Variants in TTLL11 observed in about 807,000 individuals in gnomAD.
TTLL11 encodes tubulin tyrosine ligase like 11.
In TTLL11, 42 loss-of-function variants were observed where a neutral mutation model predicts 51.7. The ratio of observed to expected loss-of-function variants is 0.81; its 90% CI spans 0.64 to 1.05. The LOEUF (loss-of-function observed/expected upper bound fraction) is 1.05, where lower values mean the gene tolerates loss of function less well. TTLL11 is among the 50% of genes least tolerant of loss of function. TTLL11 has a pLI of 0.00. For missense variants in TTLL11, 799 were observed against 940.4 expected, an observed-to-expected ratio of 0.85 and a Z score of 1.97; for synonymous variants, 381 against 383.5, an observed-to-expected ratio of 0.99 and a Z score of 0.08.
intron 6 of TTLL11, among the ~76,000 whole-genome samples, chr9:121,964,926 A>T (rs1842357446): frequency 6.6e-6 from 1 of 152,178 alleles, no homozygotes; most frequent in Non-Finnish European, 1.5e-5. Context: ...TACTTAGCAC[A>T]TTCCACCTTA....
intron 4 of TTLL11, among the ~76,000 whole-genome samples, chr9:121,981,238 C>CT (rs200327046): frequency 6.6e-6 from 1 of 151,270 alleles, no homozygotes; most frequent in Non-Finnish European, 1.5e-5. Flanking sequence ...AGGGTCTGTT[C>CT]TTTTTTTTCC....
At position 122,053,589 on chromosome 9, in the gene TTLL11, A is replaced by T. The variant is rs187696025; in HGVS notation, c.463-14221T>A. ...GAGAGTGGATGAGGAGTAGAGAGAG[A>T]CTGAGAGCAGCCAGGACCATAAGGA... On this transcript the variant is annotated intron_variant, in intron 1 of 8. Coordinates refer to ENST00000321582, the MANE Select transcript of TTLL11 (RefSeq NM_001139442.2). Among the ~76,000 whole-genome samples the T allele has an allele frequency of 4.4e-4, 67 of 152,144 alleles. No individual in the cohort carries two copies. The East Asian group carries it at 8.7e-3, about 20-fold the overall frequency.
At chr9:122,017,674 G>T (rs148583274) in intron 3 of TTLL11, among the ~76,000 whole-genome samples, 1 of 152,102 alleles carries the variant, frequency 6.6e-6, no homozygotes. Flanking sequence ...TGTTGGCTAG[G>T]CTGGTCTCGA....
intron 1 of TTLL11, among the ~76,000 whole-genome samples, chr9:122,073,970 G>A (rs750481118): frequency 6.6e-6 from 1 of 152,192 alleles, no homozygotes; most frequent in Non-Finnish European, 1.5e-5. Flanking sequence ...TTTAAGTCAT[G>A]TACAAGAGTG....
chr9:122,018,326 G>A (rs754061361), intron 3 of TTLL11, among the ~76,000 whole-genome samples: 13 of 151,756 alleles, frequency 8.6e-5, no homozygotes, highest in East Asian at 1.9e-4. Flanking sequence ...GTTAGCTAGG[G>A]TGGTCTCAAT....
intron 4 of TTLL11, among the ~76,000 whole-genome samples, chr9:121,985,525 T>A (rs1292045950): frequency 6.9e-6 from 1 of 144,338 alleles, no homozygotes; most frequent in East Asian, 2.0e-4. Flanking sequence ...TTTTTTTTTT[T>A]TTTTTTTTTG....
At chr9:121,873,382 C>CTTTTT (rs71370697) in intron 6 of TTLL11, among the ~76,000 whole-genome samples, 1 of 110,566 alleles carries the variant, frequency 9.0e-6, no homozygotes, top group Non-Finnish European at 1.8e-5. Flanking sequence ...TCTTCTTCTC[C>CTTTTT]TTTTTTTTTT....
rs949248276 is a variant in TTLL11 at position 122,093,041 on chromosome 9, C to T, written c.108G>A (p.Thr36=). 2.0e-6 allele frequency: 3 copies of T among 1,521,858 alleles called. No individual in the cohort carries two copies. Among genetic ancestry groups the T allele is most frequent in the Admixed American group, 2.0e-5 (1 of 50,074 alleles). 94.3% of individuals were successfully genotyped at this position (1,521,858 alleles called of 1,614,324 possible). Residue 36 remains threonine (T), a synonymous_variant, in exon 1 of 9, where the codon ACG becomes ACA. Coordinates refer to ENST00000321582, the MANE Select transcript of TTLL11 (RefSeq NM_001139442.2). The stretch of plus-strand genomic sequence containing the variant: ...CGTCCACGCGGACCTGTTCCGCCAC[C>T]GTCTCCGCTGTGGCCTCGGCCTCAG... The part of the protein sequence containing the change: ...AKAEAEATAE[T]VAEQVRVDAG...
chr9:122,002,944 CA>C (rs547408355), intron 3 of TTLL11, among the ~76,000 whole-genome samples: 829 of 61,232 alleles, frequency 0.014, 10 homozygotes, highest in South Asian at 0.031. Flanking sequence ...GACTCTGTCT[CA>C]AAAAAAAAAA....
At chr9:121,824,098 T>C (rs1289517722) in intron 8 of TTLL11, among the ~76,000 whole-genome samples, 1 of 152,160 alleles carries the variant, frequency 6.6e-6, no homozygotes, top group Non-Finnish European at 1.5e-5. Flanking sequence ...AATGGGTGCA[T>C]TGACGCTAGG....
intron 3 of TTLL11, among the ~76,000 whole-genome samples, chr9:122,024,574 G>A (rs1844273928): frequency 6.6e-6 from 1 of 152,190 alleles, no homozygotes. Context: ...TTGGCAGAAA[G>A]AGAGACAAAT....
chr9:122,002,982 G>C (rs539690085), intron 3 of TTLL11, among the ~76,000 whole-genome samples: 1 of 137,756 alleles, frequency 7.3e-6, no homozygotes, highest in African/African-American at 2.9e-5. Context: ...CCAGCGTGTC[G>C]AGCCTCCCTG....
chr9:121,965,844 C>T (rs1360407819), intron 6 of TTLL11, among the ~76,000 whole-genome samples: 1 of 152,182 alleles, frequency 6.6e-6, no homozygotes, highest in Non-Finnish European at 1.5e-5. Context: ...TTTCTCTAAT[C>T]TTCTCCAGGA....
chr9:121,989,064 G>T lies in TTLL11; in HGVS notation c.1269+131C>A. ...AGTTGGGCCCAGGTTTAACACCCAAGCCCACAGCACCACCAACACTGTCCC... is the reference window on the plus strand; with the variant it reads ...AGTTGGGCCCAGGTTTAACACCCAATCCCACAGCACCACCAACACTGTCCC... On this transcript the variant is annotated intron_variant, in intron 4 of 8. Coordinates refer to ENST00000321582, the MANE Select transcript of TTLL11 (RefSeq NM_001139442.2). This position sits in a 1 kb window ranked among gnomAD's most constrained non-coding sequence, Gnocchi z 4.2. The T allele has an allele frequency of 6.6e-7, 1 of 1,510,844 alleles. No individual in the cohort carries two copies. The highest frequency in any genetic ancestry group is 8.8e-7 in the Non-Finnish European group (1 of 1,129,946). The allele number at this position is 1,510,844 out of a possible 1,614,324, so 93.6% of individuals were successfully genotyped here.
intron 8 of TTLL11, among the ~76,000 whole-genome samples, chr9:121,831,493 A>G (rs1436352105): frequency 3.9e-5 from 6 of 152,084 alleles, no homozygotes; most frequent in Admixed American, 3.9e-4. Flanking sequence ...GAGGTCAGGC[A>G]TTCGAGACCA....
intron 6 of TTLL11, among the ~76,000 whole-genome samples, chr9:121,894,477 G>A (rs1486158836): frequency 1.3e-5 from 2 of 152,162 alleles, no homozygotes; most frequent in African/African-American, 4.8e-5. Context: ...AGTCACAATA[G>A]CAAAGACTTG....
At chr9:122,009,530 A>C (rs1372327596) in intron 3 of TTLL11, among the ~76,000 whole-genome samples, 1 of 151,862 alleles carries the variant, frequency 6.6e-6, no homozygotes, top group Admixed American at 6.6e-5. Context: ...GTATATATGT[A>C]GACATATATG....
At chr9:121,970,587 G>C (rs1292286876) in intron 6 of TTLL11, among the ~76,000 whole-genome samples, 1 of 151,998 alleles carries the variant, frequency 6.6e-6, no homozygotes. Context: ...ATCCAACAAA[G>C]ATATGAAAAA....
chr9:121,938,920 G>C (rs1331622020), intron 6 of TTLL11, among the ~76,000 whole-genome samples: 3 of 152,178 alleles, frequency 2.0e-5, no homozygotes, highest in Non-Finnish European at 4.4e-5. Flanking sequence ...TATTTATTGA[G>C]TATTTACAAG....
Sources: gnomAD v4.1 joint callset for allele counts (sites outside exome capture counted in the v4.1 genomes callset) on GRCh38, gnomAD v4.1.1 for gene constraint, Gnocchi (gnomAD v3.1) non-coding constraint, MANE v1.5 for transcripts, NCBI Gene and HGNC (gene_info 2026-07-23, HGNC 2026-07-21) for gene names.